Variants in PIK3C2B observed in about 807,000 individuals in gnomAD.
The protein encoded by PIK3C2B is phosphatidylinositol-4-phosphate 3-kinase catalytic subunit type 2 beta.
A neutral mutation model predicts 184.3 loss-of-function variants in PIK3C2B; 83 were observed. The ratio of observed to expected loss-of-function variants is 0.45; its 90% CI spans 0.38 to 0.54. The LOEUF (loss-of-function observed/expected upper bound fraction) is 0.54. PIK3C2B is among the 20% of genes least tolerant of loss of function. The pLI, the probability that PIK3C2B is intolerant of heterozygous loss-of-function variation, is 0.00. For missense variants in PIK3C2B, 1,736 were observed against 2,113.5 expected (o/e 0.82, Z 3.50); for synonymous variants, 779 against 837.6 (o/e 0.93, Z 1.21).
chr1:204,464,237 C>A, intron 4 of PIK3C2B, 105 bp from the exon 5 acceptor site: 3 of 1,338,646 alleles, frequency 2.2e-6, no homozygotes, highest in Non-Finnish European at 3.1e-6. Context: ...TCTCCAGCAC[C>A]ATCACCAACC....
intron 22 of PIK3C2B, 115 bp downstream of exon 22, chr1:204,440,077 A>G: frequency 2.7e-6 from 3 of 1,094,724 alleles, no homozygotes; most frequent in South Asian, 3.2e-5. Flanking sequence ...TTCTCATGAA[A>G]TAATCTTGCC....
chr1:204,428,333 A>AT, intron 29 of PIK3C2B, 113 bp from the exon 30 acceptor site: 1 of 664,948 alleles, frequency 1.5e-6, no homozygotes. Context: ...AACCAACAAC[A>AT]TGCAGTTCTT....
At chr1:204,458,814 A>G (rs1655084383) in intron 8 of PIK3C2B, among the ~76,000 whole-genome samples, 1 of 151,916 alleles carries the variant, frequency 6.6e-6, no homozygotes, top group African/African-American at 2.4e-5. Context: ...CGATTCTTAC[A>G]CTTCTCTACC....
At chr1:204,438,911 C>T (rs370515238) in intron 23 of PIK3C2B, 24 bp downstream of exon 23, 473 of 1,609,312 alleles carry the variant, frequency 2.9e-4, no homozygotes, top group Non-Finnish European at 3.6e-4. Context: ...ACACACCAGA[C>T]GCACTCCCCA....
chr1:204,455,677 C>T (rs1241464684), intron 11 of PIK3C2B, among the ~76,000 whole-genome samples, 179 bp downstream of exon 11: 1 of 152,194 alleles, frequency 6.6e-6, no homozygotes, highest in Non-Finnish European at 1.5e-5. Flanking sequence ...TCTAGGATGT[C>T]CCCAGCCCAA....
Position 204,471,650 on chromosome 1 carries a change from T to G in PIK3C2B, c.-84-1764A>C, listed in dbSNP as rs1338915635. Among the ~76,000 whole-genome samples the G allele has an allele frequency of 2.1e-4, 27 of 127,490 alleles. No homozygotes were observed. The South Asian group carries it at 7.8e-3, about 37-fold the overall frequency. 83.6% of individuals were successfully genotyped at this position (127,490 alleles called of 152,430 possible). On this transcript the variant is annotated intron_variant, in intron 1 of 32. Coordinates refer to ENST00000684373, the MANE Select transcript of PIK3C2B (RefSeq NM_001377334.1). ...TCTCACATGATGGCTTCACTGGTAT[T>G]CTCACATGATGGCTTCACTGGTATT...
intron 1 of PIK3C2B, among the ~76,000 whole-genome samples, chr1:204,491,281 C>G (rs1328589845): frequency 6.6e-6 from 1 of 151,840 alleles, no homozygotes; most frequent in Non-Finnish European, 1.5e-5. Flanking sequence ...CCCAGCTACT[C>G]GGGAGGCTGA....
chr1:204,478,526 G>A (rs1251083519), intron 1 of PIK3C2B, among the ~76,000 whole-genome samples: 1 of 152,218 alleles, frequency 6.6e-6, no homozygotes, highest in Non-Finnish European at 1.5e-5. Flanking sequence ...TTGATGGCAG[G>A]TCTATTACAG....
At position 204,429,990 on chromosome 1, in the gene PIK3C2B, G is replaced by T; in HGVS notation, c.4329C>A (p.Ala1443=). Reference sequence around the variant, plus strand: ...CGTTTAGCTCCTCCCTCCGCCGCTCGGCCACCGCCTCTCCCCGGGAGCGGC... The same window carrying T: ...CGTTTAGCTCCTCCCTCCGCCGCTCTGCCACCGCCTCTCCCCGGGAGCGGC... The part of the protein sequence containing the change: ...VIGRSRGEAV[A]ERRREELNGY... The change falls in exon 29 of 33, where the codon GCC becomes GCA. Residue 1443 remains alanine (A), a synonymous_variant. Transcript: ENST00000684373. 6.2e-7 allele frequency: 1 copy of T among 1,611,888 alleles called. No homozygotes were observed. The highest frequency in any genetic ancestry group is 8.5e-7 in the Non-Finnish European group (1 of 1,179,904).
intron 1 of PIK3C2B, among the ~76,000 whole-genome samples, chr1:204,484,525 G>A (rs1211448039): frequency 1.3e-5 from 2 of 152,180 alleles, no homozygotes; most frequent in East Asian, 1.9e-4. Context: ...ACGAGGTCAT[G>A]AGATCGAGAC....
At chr1:204,489,776 C>T (rs1657889446) in intron 1 of PIK3C2B, 3 of 396,632 alleles carry the variant, frequency 7.6e-6, no homozygotes, top group Non-Finnish European at 1.3e-5. Context: ...ACTATCTGGG[C>T]TTTGCTTAGT....
chr1:204,455,772 G>T, intron 11 of PIK3C2B, 84 bp downstream of exon 11: 1 of 1,043,562 alleles, frequency 9.6e-7, no homozygotes, highest in Non-Finnish European at 1.4e-6. Context: ...ACTTAGGACA[G>T]TGGTATTACA....
chr1:204,461,943 T>C (rs939448821), intron 5 of PIK3C2B, among the ~76,000 whole-genome samples: 2 of 151,908 alleles, frequency 1.3e-5, no homozygotes, highest in Non-Finnish European at 2.9e-5. Context: ...AACTAGCAGA[T>C]TTCTGGAACC....
intron 4 of PIK3C2B, 149 bp from the exon 5 acceptor site, chr1:204,464,281 A>T: frequency 8.7e-7 from 1 of 1,147,398 alleles, no homozygotes; most frequent in Non-Finnish European, 1.3e-6. Flanking sequence ...GAGTTGAGGA[A>T]AGTGACTGTA....
rs1202167199 is a variant in PIK3C2B at position 204,440,333 on chromosome 1, G to C, written c.3250-12C>G. The stretch of plus-strand genomic sequence containing the variant: ...AGGTCGTCCCCACACTGGATGGAGG[G>C]AGAAAGTGACCAGATCTAATCTCCA... On this transcript the variant is annotated splice_polypyrimidine_tract_variant and intron_variant, in intron 21 of 32. Transcript: ENST00000684373. 16 of 1,573,312 alleles carry C rather than the reference G, an allele frequency of 1.0e-5. No homozygotes were observed. Among genetic ancestry groups the C allele is most frequent in the Admixed American group, 1.8e-5 (1 of 56,650 alleles).
chr1:204,427,069 G>A (rs578084322), intron 31 of PIK3C2B, among the ~76,000 whole-genome samples: 108 of 152,070 alleles, frequency 7.1e-4, no homozygotes, highest in African/African-American at 2.4e-3. Flanking sequence ...CCCAGGAGGC[G>A]GAGGTTGCAG....
chr1:204,469,458 T>C lies in PIK3C2B; in HGVS notation c.345A>G (p.Ser115=), dbSNP rs949627819. The C allele has an allele frequency of 1.3e-6, 2 of 1,592,140 alleles. No homozygotes were observed. Among genetic ancestry groups the C allele is most frequent in the Non-Finnish European group, 1.7e-6 (2 of 1,171,174 alleles). Residue 115 remains serine (S), a synonymous_variant, in exon 2 of 33, where the codon TCA becomes TCG. Transcript: ENST00000684373. ...HSTSQGPQPG[S]DPWPKGSLSG... Reference sequence around the variant, plus strand: ...ACAGGGAGCCTTTGGGCCAGGGATCTGAGCCAGGCTGTGGCCCTTGGGAGG... The same window carrying C: ...ACAGGGAGCCTTTGGGCCAGGGATCCGAGCCAGGCTGTGGCCCTTGGGAGG...
intron 20 of PIK3C2B, among the ~76,000 whole-genome samples, chr1:204,442,266 AG>A (rs1675706712): frequency 6.6e-6 from 1 of 152,144 alleles, no homozygotes; most frequent in Admixed American, 6.5e-5. Context: ...CAGAGTTCAC[AG>A]CCCCTCTGCC....
At position 204,449,245 on chromosome 1, in the gene PIK3C2B, T is replaced by C. The variant is rs759011648; in HGVS notation, c.2286A>G (p.Glu762=). The C allele has an allele frequency of 6.2e-7, 1 of 1,613,198 alleles. No individual in the cohort carries two copies. The highest frequency in any genetic ancestry group is 8.5e-7 in the Non-Finnish European group (1 of 1,179,772). The change falls in exon 14 of 33, where the codon GAA becomes GAG. Residue 762 remains glutamate, a synonymous_variant. Coordinates refer to ENST00000684373, the MANE Select transcript of PIK3C2B (RefSeq NM_001377334.1). ...GTGCACTCCAACGGGCGCTGGGATT[T>C]TCCTGTGTTGCTGGCCACAAACCCA... ...KLLGLWPATQ[E]NPSARWSAPN...
Sources: allele counts gnomAD v4.1 joint callset (sites outside exome capture counted in the v4.1 genomes callset), GRCh38; gene constraint gnomAD v4.1.1; transcripts MANE v1.5; gene names NCBI Gene and HGNC (gene_info 2026-07-23, HGNC 2026-07-21).